The following KIF14 variants were observed in gnomAD, a reference collection of about 807,000 sequenced individuals.
The protein encoded by KIF14 is kinesin-like protein KIF14.
Under a neutral mutation model 176.2 loss-of-function variants are expected in KIF14, and 98 were observed. The ratio of observed to expected loss-of-function variants is 0.56; its 90% confidence interval spans 0.47 to 0.66. The LOEUF is 0.66. Ranked by LOEUF, KIF14 falls within the 30% of genes least tolerant of loss-of-function variation. KIF14 has a pLI of 0.00. For missense variants in KIF14, 1,751 were observed against 1,920.4 expected, an observed-to-expected ratio of 0.91 and a Z score of 1.65; for synonymous variants, 566 against 632.2, an observed-to-expected ratio of 0.90 and a Z score of 1.57.
intron 4 of KIF14, among the ~76,000 whole-genome samples, chr1:200,613,589 A>G (rs1660262923): frequency 1.3e-5 from 2 of 152,180 alleles, no homozygotes; most frequent in African/African-American, 2.4e-5. Flanking sequence ...AATTTCCTTT[A>G]TCATAAAAAA....
chr1:200,565,997 G>A, intron 23 of KIF14, among the ~76,000 whole-genome samples: 1 of 152,022 alleles, frequency 6.6e-6, no homozygotes, highest in Middle Eastern at 3.2e-3. Context: ...AAATGTTCAG[G>A]CATAATACTT....
intron 21 of KIF14, among the ~76,000 whole-genome samples, chr1:200,578,610 A>G (rs1328115911): frequency 1.3e-5 from 2 of 151,992 alleles, no homozygotes; most frequent in Admixed American, 6.6e-5. Context: ...CAGGGGTTGT[A>G]CAATGTTTAA....
chr1:200,570,144 C>A, intron 22 of KIF14, 139 bp from the exon 23 acceptor site: 1 of 474,786 alleles, frequency 2.1e-6, no homozygotes, highest in South Asian at 5.4e-5. Flanking sequence ...AGGAAAAATT[C>A]ATTTGGTTAA....
In KIF14 at chr1:200,590,107, A is replaced by T. The variant is rs748004460; in HGVS notation, c.2961+18T>A. ...TACACTGTCGGAAAAAAAAAATAAAACTAATTCTGCCTTTTACCAGTTCTG... is the reference window on the plus strand; with the variant it reads ...TACACTGTCGGAAAAAAAAAATAAATCTAATTCTGCCTTTTACCAGTTCTG... On this transcript the variant is annotated intron_variant, in intron 17 of 29. Transcript: ENST00000367350. 6.3e-7 allele frequency: 1 copy of T among 1,590,696 alleles called. No homozygotes were observed. The highest frequency in any genetic ancestry group is 1.1e-5 in the South Asian group (1 of 88,836).
In KIF14 at chr1:200,618,620, C is replaced by T. The variant is rs768534308; in HGVS notation, c.104G>A (p.Arg35Gln). 10 of 1,613,906 alleles carry T rather than the reference C, an allele frequency of 6.2e-6. No homozygotes were observed. Among genetic ancestry groups the T allele is most frequent in the Admixed American group, 1.7e-5 (1 of 60,008 alleles). The change falls in exon 2 of 30, where the codon CGA (arginine) becomes CAA (glutamine). Residue 35 changes from arginine (R) to glutamine (Q), a missense_variant. By Grantham distance (43) the Arg-to-Gln change is conservative. Transcript: ENST00000367350. ...SSLNALTHSS[R>Q]LKLHLKSDMS... ...ATCCGACTTCAAATGCAGCTTAAGTCGGCTACTGTGGGTGAGGGCATTCAG... is the reference window on the plus strand; with the variant it reads ...ATCCGACTTCAAATGCAGCTTAAGTTGGCTACTGTGGGTGAGGGCATTCAG...
chr1:200,618,702 T>G lies in KIF14; in HGVS notation c.22A>C (p.Asn8His), dbSNP rs1274095218. 21 of 1,608,942 alleles carry G rather than the reference T, an allele frequency of 1.3e-5. No individual in the cohort carries two copies. Among genetic ancestry groups the G allele is most frequent in the Non-Finnish European group, 1.5e-5 (18 of 1,178,952 alleles). ...AGAATATCACCGCTGTTATTTCTATTATGAGTACTGTGTAATGACATTTTG... is the reference window on the plus strand; with the variant it reads ...AGAATATCACCGCTGTTATTTCTATGATGAGTACTGTGTAATGACATTTTG... The part of the protein sequence containing the change: MSLHSTH[N>H]RNNSGDILDI... The change falls in exon 2 of 30, where the codon AAT becomes CAT. Residue 8 changes from asparagine to histidine, a missense_variant. Coordinates refer to ENST00000367350, the MANE Select transcript of KIF14 (RefSeq NM_014875.3).
intron 19 of KIF14, among the ~76,000 whole-genome samples, chr1:200,581,761 CTT>C (rs66935478): frequency 1.2e-3 from 99 of 83,054 alleles, no homozygotes; most frequent in South Asian, 0.011. Flanking sequence ...TTTCACTTTC[CTT>C]TTTTTTTTTT....
rs1427399548 is a variant in KIF14 at position 200,618,744 on chromosome 1, A to G, written c.-21T>C. 3 of 1,561,216 alleles carry G rather than the reference A, an allele frequency of 1.9e-6. No individual in the cohort carries two copies. The East Asian group carries it at 6.8e-5, about 35-fold the overall frequency. On this transcript the variant is annotated 5_prime_UTR_variant, in exon 2 of 30. Transcript: ENST00000367350. The stretch of plus-strand genomic sequence containing the variant: ...GACATTTTGGCAGACAGTTATTTTA[A>G]AAAAGAATGTTACTAAGACCCTAAG...
chr1:200,570,398 C>G (rs1657712113), intron 22 of KIF14, among the ~76,000 whole-genome samples: 2 of 152,094 alleles, frequency 1.3e-5, no homozygotes, highest in South Asian at 4.2e-4. Flanking sequence ...AGAACTTGAC[C>G]TGGCCCAAGA....
At chr1:200,614,005 A>G (rs539703378) in intron 4 of KIF14, among the ~76,000 whole-genome samples, 2 of 152,358 alleles carry the variant, frequency 1.3e-5, no homozygotes, top group East Asian at 3.9e-4. Flanking sequence ...CTGTACACCT[A>G]TCTGACTACA....
intron 19 of KIF14, among the ~76,000 whole-genome samples, chr1:200,584,003 G>A (rs1658602775): frequency 6.6e-6 from 1 of 151,570 alleles, no homozygotes; most frequent in South Asian, 2.1e-4. Context: ...CAGCACTTTG[G>A]GAGGCTGAGG....
At chr1:200,606,198 G>T (rs1659871568) in intron 6 of KIF14, among the ~76,000 whole-genome samples, 1 of 152,124 alleles carries the variant, frequency 6.6e-6, no homozygotes, top group Admixed American at 6.5e-5. Flanking sequence ...ATATGTATAT[G>T]CATAGGTATA....
intron 14 of KIF14, 126 bp downstream of exon 14, chr1:200,598,111 C>A (rs752490826): frequency 1.4e-5 from 11 of 776,294 alleles, no homozygotes; most frequent in African/African-American, 5.3e-5. Flanking sequence ...TTTTTCCTGA[C>A]TAAACAATGG....
intron 20 of KIF14, 119 bp downstream of exon 20, chr1:200,581,082 C>T: frequency 2.0e-6 from 1 of 489,126 alleles, no homozygotes. Context: ...CCACTGCACT[C>T]CAGCCTGGGC....
intron 23 of KIF14, among the ~76,000 whole-genome samples, chr1:200,567,172 C>CAAA (rs374186998): frequency 5.6e-5 from 8 of 142,152 alleles, no homozygotes; most frequent in South Asian, 2.2e-4. Flanking sequence ...ACTCTGTCCT[C>CAAA]AAAAAAAAAA....
At chr1:200,558,352 CTTCACT>C (rs1411991121) in intron 27 of KIF14, among the ~76,000 whole-genome samples, 3 of 152,196 alleles carry the variant, frequency 2.0e-5, no homozygotes. Flanking sequence ...CTAATCCCCA[CTTCACT>C]AACAGTAATT....
At chr1:200,612,881 C>CTTTTT (rs58120760) in intron 4 of KIF14, among the ~76,000 whole-genome samples, 59 of 79,096 alleles carry the variant, frequency 7.5e-4, no homozygotes, top group African/African-American at 8.7e-4. Context: ...AGTTTATTCT[C>CTTTTT]TTTTTTTTTT....
intron 14 of KIF14, 142 bp from the exon 15 acceptor site, chr1:200,593,911 T>C (rs1659180053): frequency 3.8e-6 from 2 of 531,810 alleles, no homozygotes; most frequent in East Asian, 6.5e-5. Flanking sequence ...AAAATTATTT[T>C]ATTTTCCTCC....
chr1:200,595,192 T>A (rs1659266810), intron 14 of KIF14, among the ~76,000 whole-genome samples: 1 of 152,238 alleles, frequency 6.6e-6, no homozygotes, highest in African/African-American at 2.4e-5. Context: ...TTTAGAGTCC[T>A]CTAAGAAGCT....
Sources: gnomAD v4.1 joint callset for allele counts (sites outside exome capture counted in the v4.1 genomes callset) on GRCh38, gnomAD v4.1.1 for gene constraint, MANE v1.5 for transcripts, NCBI Gene and HGNC (gene_info 2026-07-23, HGNC 2026-07-21) for gene names.